SYT16: variants seen among roughly 807,000 people sequenced by gnomAD.
The protein encoded by SYT16 is synaptotagmin-16.
Under a neutral mutation model 61.4 loss-of-function variants are expected in SYT16, and 42 were observed. The observed-to-expected ratio is 0.68, with a 90% CI of 0.53 to 0.89. SYT16 has a LOEUF of 0.89. Ranked by LOEUF, SYT16 falls within the 40% of genes least tolerant of loss-of-function variation. The pLI is 0.00. For synonymous variants in SYT16, 314 were observed against 302.3 expected, an observed-to-expected ratio of 1.04 and a Z score of -0.40; for missense variants, 804 against 807.3, an observed-to-expected ratio of 1.00 and a Z score of 0.05.
chr14:61,931,941 G>C (rs1190721234), intron 1 of SYT16, among the ~76,000 whole-genome samples: 1 of 152,204 alleles, frequency 6.6e-6, no homozygotes, highest in East Asian at 1.9e-4. Flanking sequence ...CCCTGAAGGA[G>C]AATTGTACCA....
intron 1 of SYT16, among the ~76,000 whole-genome samples, chr14:61,828,249 G>A (rs565663573): frequency 4.0e-4 from 61 of 152,236 alleles, no homozygotes; most frequent in African/African-American, 1.4e-3. Context: ...ACTTTGTTAT[G>A]GTAGCCCTAG....
intron 3 of SYT16, among the ~76,000 whole-genome samples, chr14:62,000,496 A>C (rs1027641249): frequency 6.6e-6 from 1 of 152,000 alleles, no homozygotes; most frequent in African/African-American, 2.4e-5. Flanking sequence ...TTTTTAATCC[A>C]ATATGACAAG....
chr14:61,905,562 G>T (rs1024928644), intron 1 of SYT16, among the ~76,000 whole-genome samples: 3 of 152,132 alleles, frequency 2.0e-5, no homozygotes, highest in Admixed American at 6.5e-5. Flanking sequence ...TCCAAACCCA[G>T]CCTATGGCAA....
chr14:62,065,326 G>T (rs2056015140), intron 3 of SYT16, among the ~76,000 whole-genome samples: 1 of 152,080 alleles, frequency 6.6e-6, no homozygotes. Context: ...ACTTTTCTCT[G>T]TCTTTTGTTT....
At chr14:61,853,000 C>T (rs1029544858) in intron 1 of SYT16, among the ~76,000 whole-genome samples, 4 of 152,108 alleles carry the variant, frequency 2.6e-5, no homozygotes. Context: ...CTTACTGCAA[C>T]CTCCACCTCC....
At chr14:62,051,442 G>A (rs1186443333) in intron 3 of SYT16, among the ~76,000 whole-genome samples, 1 of 152,198 alleles carries the variant, frequency 6.6e-6, no homozygotes, top group Non-Finnish European at 1.5e-5. Context: ...GCCTCACCCT[G>A]CTTTGGCTCA....
intron 1 of SYT16, among the ~76,000 whole-genome samples, chr14:61,890,109 G>A (rs1194642535): frequency 6.6e-6 from 1 of 152,202 alleles, no homozygotes; most frequent in Non-Finnish European, 1.5e-5. Context: ...GGAGGATCAT[G>A]AGCAAGCCTT....
At chr14:61,901,376 C>T (rs2048509481) in intron 1 of SYT16, among the ~76,000 whole-genome samples, 1 of 152,172 alleles carries the variant, frequency 6.6e-6, no homozygotes, top group African/African-American at 2.4e-5. Flanking sequence ...TGAATCCTCC[C>T]AGCCATCTTT....
chr14:62,029,769 T>C lies in SYT16; in HGVS notation c.523+33227T>C, dbSNP rs572901061. ...CACCCTCTGACCTCGCTTTTGATGTTAGTCTAGTTGGAAAAAAAAAAAAGT... is the reference window on the plus strand; with the variant it reads ...CACCCTCTGACCTCGCTTTTGATGTCAGTCTAGTTGGAAAAAAAAAAAAGT... On this transcript the variant is annotated intron_variant, in intron 3 of 7. Transcript: ENST00000683842. 4.6e-4 allele frequency among the ~76,000 whole-genome samples: 68 copies of C among 148,364 alleles called. 1 individual carries two copies. Among genetic ancestry groups the C allele is most frequent in the Non-Finnish European group, 9.4e-4 (64 of 67,836 alleles).
intron 1 of SYT16, among the ~76,000 whole-genome samples, chr14:61,955,010 C>T (rs1023727841): frequency 5.3e-5 from 8 of 151,114 alleles, no homozygotes; most frequent in African/African-American, 1.9e-4. Context: ...AAATTCAGAC[C>T]CTTTTAATAA....
chr14:61,966,395 AT>A (rs904324694), intron 1 of SYT16, among the ~76,000 whole-genome samples: 1 of 152,132 alleles, frequency 6.6e-6, no homozygotes, highest in African/African-American at 2.4e-5. Context: ...AAGATTGAAC[AT>A]TATCATCATT....
intron 1 of SYT16, among the ~76,000 whole-genome samples, chr14:61,815,071 A>G (rs757649513): frequency 3.1e-4 from 47 of 152,220 alleles, no homozygotes; most frequent in Admixed American, 7.9e-4. Flanking sequence ...AAACTTTAAC[A>G]TGCATCAGAG....
chr14:62,087,349 G>A (rs1049537746), intron 7 of SYT16, among the ~76,000 whole-genome samples: 2 of 152,206 alleles, frequency 1.3e-5, no homozygotes, highest in African/African-American at 4.8e-5. Context: ...GGCAGCCTGG[G>A]GCCTGCTGCA....
At chr14:61,815,677 G>A (rs181292344) in intron 1 of SYT16, among the ~76,000 whole-genome samples, 1 of 152,292 alleles carries the variant, frequency 6.6e-6, no homozygotes, top group Non-Finnish European at 1.5e-5. Flanking sequence ...GAACTCGAGA[G>A]CTTCAACTAG....
intron 2 of SYT16, among the ~76,000 whole-genome samples, chr14:61,986,190 G>T (rs2052301359): frequency 6.6e-6 from 1 of 151,766 alleles, no homozygotes. Flanking sequence ...AAGGTAAACA[G>T]ACCCCTGATT....
chr14:61,985,359 A>G (rs2052259515), intron 2 of SYT16, among the ~76,000 whole-genome samples: 1 of 152,222 alleles, frequency 6.6e-6, no homozygotes, highest in Non-Finnish European at 1.5e-5. Context: ...GGAGGGGGCC[A>G]GTATAAATAA....
intron 3 of SYT16, among the ~76,000 whole-genome samples, chr14:62,052,172 A>G: frequency 6.6e-6 from 1 of 151,950 alleles, no homozygotes. Flanking sequence ...TTAGTTTTTC[A>G]ATCTTTTTTT....
At chr14:61,923,389 C>T (rs544205607) in intron 1 of SYT16, among the ~76,000 whole-genome samples, 2 of 152,086 alleles carry the variant, frequency 1.3e-5, no homozygotes, top group African/African-American at 4.8e-5. Context: ...TAAATTCAGC[C>T]ATGTGGCTTG....
At chr14:61,851,587 T>C (rs1404799467) in intron 1 of SYT16, among the ~76,000 whole-genome samples, 1 of 152,202 alleles carries the variant, frequency 6.6e-6, no homozygotes, top group African/African-American at 2.4e-5. Context: ...TTTTTGACTT[T>C]TTAATAACAG....
Sources: gnomAD v4.1 joint callset for allele counts (sites outside exome capture counted in the v4.1 genomes callset) on GRCh38, gnomAD v4.1.1 for gene constraint, MANE v1.5 for transcripts, NCBI Gene and HGNC (gene_info 2026-07-23, HGNC 2026-07-21) for gene names.